LRP1B: variants seen among roughly 807,000 people sequenced by gnomAD.
The protein encoded by LRP1B is LDL receptor related protein 1B.
Under a neutral mutation model 556.6 loss-of-function variants are expected in LRP1B, and 217 were observed. The ratio of observed to expected loss-of-function variants is 0.39; its 90% CI spans 0.35 to 0.44. LRP1B has a LOEUF of 0.44. Ranked by LOEUF, LRP1B falls within the 20% of genes least tolerant of loss-of-function variation. The pLI is 1.00. For missense variants in LRP1B, 5,053 were observed against 5,620.8 expected (o/e 0.90, Z 3.23); for synonymous variants, 2,047 against 1,865.8 (o/e 1.10, Z -2.50).
intron 7 of LRP1B, among the ~76,000 whole-genome samples, chr2:141,157,245 C>A (rs1702089646): frequency 6.6e-6 from 1 of 151,864 alleles, no homozygotes. Context: ...CCATATAAAT[C>A]CATGTGATAG....
rs184578890 is a variant in LRP1B at position 141,651,022 on chromosome 2, G to A, written c.205+159257C>T. On this transcript the variant is annotated intron_variant, in intron 2 of 90. Transcript: ENST00000389484. ...AGTATACATTTAAATAATATTAATCGTTCAAATCTTATCCATGCCGGACTT... is the reference window on the plus strand; with the variant it reads ...AGTATACATTTAAATAATATTAATCATTCAAATCTTATCCATGCCGGACTT... 2.6e-5 allele frequency among the ~76,000 whole-genome samples: 4 copies of A among 152,246 alleles called. No individual in the cohort carries two copies. The East Asian group carries it at 5.8e-4, about 22-fold the overall frequency.
Position 140,234,114 on chromosome 2 carries a change from C to T in LRP1B, c.13659+672G>A, listed in dbSNP as rs115018544. On this transcript the variant is annotated intron_variant, in intron 90 of 90. Coordinates refer to ENST00000389484, the MANE Select transcript of LRP1B (RefSeq NM_018557.3). ...AAAACAGTACATTAAATCTTAGTTA[C>T]AACAAGGAAACATTATAATCTTTGA... is the stretch of plus-strand genomic sequence containing the variant. Among the ~76,000 whole-genome samples the T allele has an allele frequency of 2.7e-3, 407 of 151,294 alleles. 2 individuals are homozygous for T. The highest frequency in any genetic ancestry group is 9.0e-3 in the African/African-American group (372 of 41,402).
intron 1 of LRP1B, among the ~76,000 whole-genome samples, chr2:142,056,582 A>C (rs1200981668): frequency 6.6e-6 from 1 of 152,130 alleles, no homozygotes; most frequent in African/African-American, 2.4e-5. Context: ...GAAGTAGTAC[A>C]GTAGAAAACA....
intron 27 of LRP1B, among the ~76,000 whole-genome samples, chr2:140,854,580 G>A (rs947398367): frequency 6.6e-6 from 1 of 152,016 alleles, no homozygotes; most frequent in Non-Finnish European, 1.5e-5. Context: ...TAAAAATACT[G>A]TTCATAATAC....
At chr2:141,447,335 G>A (rs1247728194) in intron 3 of LRP1B, among the ~76,000 whole-genome samples, 2 of 151,738 alleles carry the variant, frequency 1.3e-5, no homozygotes, top group Admixed American at 6.6e-5. Context: ...AAAGTTCTTA[G>A]CTTCCTTGCA....
At chr2:140,976,756 C>T (rs1301278646) in intron 18 of LRP1B, among the ~76,000 whole-genome samples, 1 of 151,984 alleles carries the variant, frequency 6.6e-6, no homozygotes, top group Non-Finnish European at 1.5e-5. Context: ...AGTGGTTCAC[C>T]TACCTCAGCT....
chr2:141,278,088 C>G (rs1685370731), intron 3 of LRP1B, among the ~76,000 whole-genome samples: 1 of 152,122 alleles, frequency 6.6e-6, no homozygotes, highest in South Asian at 2.1e-4. Context: ...ATGAGTCAAA[C>G]TCATCAAAAT....
intron 7 of LRP1B, among the ~76,000 whole-genome samples, chr2:141,113,011 C>T (rs948730763): frequency 1.3e-5 from 2 of 152,210 alleles, no homozygotes; most frequent in Middle Eastern, 6.8e-3. Context: ...ATGCATATTA[C>T]AAAATTCTTT....
At chr2:141,768,359 CATT>C (rs3039226) in intron 2 of LRP1B, among the ~76,000 whole-genome samples, 14,469 of 152,018 alleles carry the variant, frequency 0.095, 957 homozygotes, top group African/African-American at 0.18. Flanking sequence ...TATTATATCT[CATT>C]ATCTCTTATT....
rs766631588 is a variant in LRP1B at position 141,015,807 on chromosome 2, C to G, written c.2079G>C (p.Lys693Asn). Reference protein sequence around the residue: ...GFNRQIFVTSKMLWPNGLTLD... With the variant: ...GFNRQIFVTSNMLWPNGLTLD... ...GAGTTAAACCGTTTGGCCACAGCAT[C>G]TTTGAAGTCACAAAAATCTGCCGAT... is the stretch of plus-strand genomic sequence containing the variant. Residue 693 changes from lysine to asparagine, a missense_variant, in exon 13 of 91, where the codon AAG (lysine) becomes AAC (asparagine). Around this residue, in one of 5 missense-constraint regions of LRP1B, gnomAD observed 3,619 missense variants for 3,931.9 expected, o/e 0.92. Transcript: ENST00000389484. 1.9e-6 allele frequency: 3 copies of G among 1,613,568 alleles called. No homozygotes were observed. The highest frequency in any genetic ancestry group is 1.7e-5 in the Admixed American group (1 of 59,948).
At chr2:141,578,028 C>T (rs141879448) in intron 2 of LRP1B, among the ~76,000 whole-genome samples, 1 of 152,144 alleles carries the variant, frequency 6.6e-6, no homozygotes, top group African/African-American at 2.4e-5. Flanking sequence ...AGTATAGTTA[C>T]AATTTTCCTG....
chr2:141,377,257 C>T (rs1689470671), intron 3 of LRP1B, among the ~76,000 whole-genome samples: 2 of 151,984 alleles, frequency 1.3e-5, no homozygotes, highest in Non-Finnish European at 2.9e-5. Context: ...ATCTAATTTT[C>T]TAAAGAAATT....
chr2:142,011,681 A>C (rs1344696415), intron 1 of LRP1B, among the ~76,000 whole-genome samples: 5 of 152,180 alleles, frequency 3.3e-5, no homozygotes, highest in Admixed American at 1.3e-4. Context: ...CAGGCCCCTG[A>C]AACTGAACCC....
intron 1 of LRP1B, among the ~76,000 whole-genome samples, chr2:142,026,675 G>C (rs902766100): frequency 6.6e-6 from 1 of 152,042 alleles, no homozygotes; most frequent in African/African-American, 2.4e-5. Context: ...AGGCAGTAAA[G>C]ATGATGTTTT....
intron 7 of LRP1B, among the ~76,000 whole-genome samples, chr2:141,136,819 ACTT>A (rs1455866391): frequency 6.6e-6 from 1 of 151,884 alleles, no homozygotes; most frequent in Non-Finnish European, 1.5e-5. Flanking sequence ...GTGTAGCAGA[ACTT>A]CTATCACAGG....
At chr2:140,288,262 A>G (rs1446583255) in intron 84 of LRP1B, among the ~76,000 whole-genome samples, 1 of 151,688 alleles carries the variant, frequency 6.6e-6, no homozygotes, top group Non-Finnish European at 1.5e-5. Flanking sequence ...ATAGCTACAA[A>G]AGAGGTTATA....
At chr2:141,402,360 A>G (rs1269240414) in intron 3 of LRP1B, among the ~76,000 whole-genome samples, 1 of 152,158 alleles carries the variant, frequency 6.6e-6, no homozygotes, top group Non-Finnish European at 1.5e-5. Context: ...TATAATGAAC[A>G]GGAAAGTGAC....
intron 3 of LRP1B, among the ~76,000 whole-genome samples, chr2:141,398,376 T>A (rs1234850547): frequency 6.6e-6 from 1 of 152,178 alleles, no homozygotes; most frequent in African/African-American, 2.4e-5. Context: ...CCAAAAGAAC[T>A]AATGTAACTG....
chr2:140,978,401 T>C (rs928202952), intron 18 of LRP1B, among the ~76,000 whole-genome samples: 2 of 152,152 alleles, frequency 1.3e-5, no homozygotes, highest in Admixed American at 1.3e-4. Flanking sequence ...ACAGAGATTG[T>C]TCATGAAGCT....
Sources: allele counts gnomAD v4.1 joint callset (sites outside exome capture counted in the v4.1 genomes callset), GRCh38; gene constraint gnomAD v4.1.1; regional missense constraint gnomAD v4.1.1; transcripts MANE v1.5; gene names NCBI Gene and HGNC (gene_info 2026-07-23, HGNC 2026-07-21).